Variants in LRRC37A2 observed in about 807,000 individuals in gnomAD.
LRRC37A2 encodes the protein leucine-rich repeat-containing protein 37A2.
LRRC37A2 carries 9 observed loss-of-function variants against 68.8 expected under a neutral mutation model. The ratio of observed to expected loss-of-function variants is 0.13; its 90% CI spans 0.08 to 0.23. LRRC37A2 has a LOEUF of 0.23. Among genes scored for constraint, LRRC37A2 ranks in the 10% least tolerant of loss-of-function variants. LRRC37A2 has a pLI of 1.00. For synonymous variants in LRRC37A2, 63 were observed against 367.6 expected (o/e 0.17, Z 9.48); for missense variants, 168 against 950.4 (o/e 0.18, Z 10.82).
the LRRC37A2 span, among the ~76,000 whole-genome samples, chr17:46,951,812 C>G: frequency 6.6e-6 from 1 of 152,298 alleles, no homozygotes; most frequent in Non-Finnish European, 1.5e-5. Flanking sequence ...ACAGGGCCCT[C>G]TCTTCCCCCA....
At chr17:46,922,668 T>C in the LRRC37A2 span, 1 of 155,936 alleles carries the variant, frequency 6.4e-6, no homozygotes, top group Non-Finnish European at 1.4e-5. Flanking sequence ...GTTTACTGGA[T>C]GGATAAATAG....
chr17:46,738,421 G>A, the LRRC37A2 span, among the ~76,000 whole-genome samples: 4 of 152,054 alleles, frequency 2.6e-5, no homozygotes, highest in African/African-American at 9.7e-5. Flanking sequence ...TTATACTTTA[G>A]CCTTTTTTAA....
At chr17:47,013,151 G>A in the LRRC37A2 span, among the ~76,000 whole-genome samples, 1 of 152,320 alleles carries the variant, frequency 6.6e-6, no homozygotes, top group South Asian at 2.1e-4. Context: ...GTCCAGAGTA[G>A]GCAAATCCAT....
chr17:46,919,231 CT>C, the LRRC37A2 span, among the ~76,000 whole-genome samples: 4 of 152,298 alleles, frequency 2.6e-5, no homozygotes, highest in African/African-American at 9.6e-5. Flanking sequence ...CAAGTGGACT[CT>C]GGTGAGCCTA....
At chr17:46,795,413 T>A in the LRRC37A2 span, among the ~76,000 whole-genome samples, 5 of 152,114 alleles carry the variant, frequency 3.3e-5, no homozygotes, top group Non-Finnish European at 7.4e-5. Flanking sequence ...ACAGAGGAGC[T>A]GGCCTCTGGG....
chr17:47,003,281 CCCTGACCCTGACCA>C, the LRRC37A2 span, among the ~76,000 whole-genome samples: 1 of 151,488 alleles, frequency 6.6e-6, no homozygotes, highest in African/African-American at 2.4e-5. Flanking sequence ...GCCATGACCA[CCCTGACCCTGACCA>C]CTCTGGAACA....
At chr17:46,935,968 G>C in the LRRC37A2 span, 10 of 985,932 alleles carry the variant, frequency 1.0e-5, no homozygotes, top group Non-Finnish European at 1.2e-5. Flanking sequence ...TCGGAAGTGT[G>C]AGCTTTATCT....
At chr17:46,943,267 A>C in the LRRC37A2 span, among the ~76,000 whole-genome samples, 2 of 152,120 alleles carry the variant, frequency 1.3e-5, no homozygotes, top group African/African-American at 4.8e-5. Context: ...CCTTGTGGCC[A>C]TTGGGTGCCC....
the LRRC37A2 span, among the ~76,000 whole-genome samples, chr17:47,006,635 G>A: frequency 3.9e-5 from 6 of 152,234 alleles, no homozygotes; most frequent in African/African-American, 1.4e-4. Flanking sequence ...AAGGCCAACA[G>A]GATGCCTCTG....
At chr17:46,733,920 A>T in the LRRC37A2 span, among the ~76,000 whole-genome samples, 2 of 152,204 alleles carry the variant, frequency 1.3e-5, no homozygotes, top group Non-Finnish European at 2.9e-5. Flanking sequence ...ATTACCTAAT[A>T]AGAGAGAAAT....
chr17:46,874,916 TAAGGGGCAGTTGACAGGGAGACC>T, the LRRC37A2 span: 6 of 883,374 alleles, frequency 6.8e-6, no homozygotes, highest in African/African-American at 8.3e-5. Context: ...AGTCAGAATT[TAAGGGGCAGTTGACAGGGAGACC>T]CACCCGGAGC....
At chr17:46,666,173 GC>G in the LRRC37A2 span, among the ~76,000 whole-genome samples, 2 of 141,062 alleles carry the variant, frequency 1.4e-5, no homozygotes, top group African/African-American at 2.7e-5. Flanking sequence ...GATAGAGGAG[GC>G]AGGAGAAAAG....
the LRRC37A2 span, among the ~76,000 whole-genome samples, chr17:46,873,381 C>A: frequency 1.9e-3 from 282 of 152,240 alleles, no homozygotes; most frequent in African/African-American, 5.9e-3. Context: ...AGAGCTGAAC[C>A]AGACCCAGCT....
the LRRC37A2 span, among the ~76,000 whole-genome samples, chr17:47,040,516 G>A: frequency 6.8e-6 from 1 of 146,766 alleles, no homozygotes; most frequent in Non-Finnish European, 1.5e-5. Context: ...TATTTATTTA[G>A]TGACTTTTCT....
chr17:47,044,530 C>A, the LRRC37A2 span, among the ~76,000 whole-genome samples: 1 of 150,670 alleles, frequency 6.6e-6, no homozygotes, highest in Non-Finnish European at 1.5e-5. Flanking sequence ...CTGCAACTGA[C>A]TCTCAAATGG....
the LRRC37A2 span, among the ~76,000 whole-genome samples, chr17:46,793,522 A>T: frequency 1.3e-5 from 2 of 152,112 alleles, no homozygotes; most frequent in African/African-American, 4.8e-5. Flanking sequence ...TGTGTCTCAG[A>T]CAAGGCTGGA....
At chr17:47,048,395 G>A in the LRRC37A2 span, among the ~76,000 whole-genome samples, 1 of 149,670 alleles carries the variant, frequency 6.7e-6, no homozygotes, top group Non-Finnish European at 1.5e-5. Context: ...AGCAAAGTAG[G>A]CATCTGACAA....
the LRRC37A2 span, among the ~76,000 whole-genome samples, chr17:46,687,206 C>G: frequency 1.3e-5 from 1 of 74,396 alleles, no homozygotes; most frequent in Admixed American, 1.5e-4. Context: ...ATTCCTCCAG[C>G]TTAATTATAT....
the LRRC37A2 span, among the ~76,000 whole-genome samples, chr17:46,961,371 C>G: frequency 6.6e-6 from 1 of 152,074 alleles, no homozygotes. Context: ...GACCCCATCT[C>G]TACAAAAAAC....
Sources: allele counts gnomAD v4.1 joint callset (sites outside exome capture counted in the v4.1 genomes callset), GRCh38; gene constraint gnomAD v4.1.1; transcripts MANE v1.5; gene names NCBI Gene and HGNC (gene_info 2026-07-23, HGNC 2026-07-21).